APPBP2: variants seen among roughly 807,000 people sequenced by gnomAD.
APPBP2 encodes the protein amyloid protein-binding protein 2.
In APPBP2, 15 loss-of-function variants were observed where a neutral mutation model predicts 76.0. The observed-to-expected ratio is 0.20, with a 90% confidence interval of 0.13 to 0.30. The LOEUF is 0.30. Ranked by LOEUF, APPBP2 falls within the 10% of genes least tolerant of loss-of-function variation. The pLI is 1.00. For missense variants in APPBP2, 401 were observed against 687.2 expected, an observed-to-expected ratio of 0.58 and a Z score of 4.66; for synonymous variants, 222 against 242.2, an observed-to-expected ratio of 0.92 and a Z score of 0.77.
intron 3 of APPBP2, among the ~76,000 whole-genome samples, chr17:60,481,846 G>A (rs1184868200): frequency 6.6e-6 from 1 of 152,208 alleles, no homozygotes; most frequent in Non-Finnish European, 1.5e-5. Flanking sequence ...GACATTTGCT[G>A]TTAATAGAAG....
Position 60,479,142 on chromosome 17 carries a change from A to T in APPBP2, c.503+6T>A, listed in dbSNP as rs1487822643. 3 of 1,609,566 alleles carry T rather than the reference A, an allele frequency of 1.9e-6. No individual in the cohort carries two copies. Among genetic ancestry groups the T allele is most frequent in the Non-Finnish European group, 2.5e-6 (3 of 1,178,758 alleles). ...GCACGTAATTACAGGATATGTTCCAACTTACCTCACACAACATTCTACTGC... is the reference window on the plus strand; with the variant it reads ...GCACGTAATTACAGGATATGTTCCATCTTACCTCACACAACATTCTACTGC... On this transcript the variant is annotated splice_donor_region_variant and intron_variant, in intron 4 of 12. Transcript: ENST00000083182.
chr17:60,500,534 CTTT>C (rs772893372), intron 1 of APPBP2, 47 bp from the exon 2 acceptor site: 1 of 1,277,376 alleles, frequency 7.8e-7, no homozygotes, highest in East Asian at 2.4e-5. Flanking sequence ...TTTAATTCTT[CTTT>C]TTACTTTAAT....
chr17:60,479,161 C>T lies in APPBP2; in HGVS notation c.490G>A (p.Glu164Lys), dbSNP rs1174754255. The T allele has an allele frequency of 6.2e-7, 1 of 1,612,094 alleles. No individual in the cohort carries two copies. The highest frequency in any genetic ancestry group is 1.7e-5 in the Admixed American group (1 of 59,456). The change falls in exon 4 of 13, where the codon GAA becomes AAA. Residue 164 changes from glutamate (E) to lysine (K), a missense_variant. By Grantham distance (56) the Glu-to-Lys change is moderately conservative (BLOSUM62 1). Transcript: ENST00000083182. The part of the protein sequence containing the change: ...DEMLHWFRAV[E>K]CCVRLLHVRN... ...GTTCCAACTTACCTCACACAACATT[C>T]TACTGCACGAAACCAATGAAGCATC...
At chr17:60,491,635 C>T (rs9909702) in intron 3 of APPBP2, among the ~76,000 whole-genome samples, 89 of 151,908 alleles carry the variant, frequency 5.9e-4, no homozygotes, top group South Asian at 2.1e-4. Context: ...AGTAGAGATA[C>T]GGTTTCACCA....
At chr17:60,508,394 A>T (rs79568234) in intron 1 of APPBP2, among the ~76,000 whole-genome samples, 13,781 of 149,968 alleles carry the variant, frequency 0.092, 1,956 homozygotes, top group African/African-American at 0.32. Context: ...ATATATATTT[A>T]AAAAAAATCA....
intron 4 of APPBP2, among the ~76,000 whole-genome samples, chr17:60,473,236 T>C (rs2090566206): frequency 6.6e-6 from 1 of 152,202 alleles, no homozygotes; most frequent in African/African-American, 2.4e-5. Flanking sequence ...AGTTTGGAAG[T>C]TCTATCACAC....
intron 1 of APPBP2, among the ~76,000 whole-genome samples, chr17:60,501,458 G>A (rs948506256): frequency 8.5e-5 from 13 of 152,118 alleles, no homozygotes; most frequent in Non-Finnish European, 4.4e-5. Flanking sequence ...GTGTAGTGGT[G>A]CAATCTCGGC....
intron 1 of APPBP2, among the ~76,000 whole-genome samples, chr17:60,515,928 G>A (rs926072210): frequency 2.0e-5 from 3 of 152,206 alleles, no homozygotes; most frequent in African/African-American, 7.2e-5. Flanking sequence ...ACTCTGGGAG[G>A]CCGAGACAGG....
At chr17:60,472,029 G>A (rs2143354990) in intron 4 of APPBP2, among the ~76,000 whole-genome samples, 1 of 152,328 alleles carries the variant, frequency 6.6e-6, no homozygotes, top group African/African-American at 2.4e-5. Context: ...GGGTGGCTGA[G>A]GCAGGAGAAT....
chr17:60,453,616 T>C (rs1465717817), intron 11 of APPBP2, among the ~76,000 whole-genome samples: 6 of 151,302 alleles, frequency 4.0e-5, no homozygotes, highest in Admixed American at 3.9e-4. Flanking sequence ...CAGAGCTCAC[T>C]GCAGCCTCAA....
chr17:60,482,570 G>A (rs1598358365), intron 3 of APPBP2, among the ~76,000 whole-genome samples: 1 of 152,102 alleles, frequency 6.6e-6, no homozygotes, highest in Non-Finnish European at 1.5e-5. Flanking sequence ...TTCTCCTAAC[G>A]CTATCCCTCC....
chr17:60,469,021 A>G (rs1033989512), intron 4 of APPBP2, among the ~76,000 whole-genome samples: 1 of 152,186 alleles, frequency 6.6e-6, no homozygotes, highest in Admixed American at 6.5e-5. Context: ...GTGAACCTAA[A>G]GGAAAAGAAT....
At position 60,525,937 on chromosome 17, in the gene APPBP2, T is replaced by C; in HGVS notation, c.-6A>G. On this transcript the variant is annotated 5_prime_UTR_variant, in exon 1 of 13. Transcript: ENST00000083182. Reference sequence around the variant, plus strand: ...TCTAGTTCCACGGCCGCCATCTTCCTTCCCTCCTCCTCCGCCTCCTCCGCC... The same window carrying C: ...TCTAGTTCCACGGCCGCCATCTTCCCTCCCTCCTCCTCCGCCTCCTCCGCC... The C allele has an allele frequency of 6.2e-7, 1 of 1,602,476 alleles. No individual in the cohort carries two copies. The highest frequency in any genetic ancestry group is 8.5e-7 in the Non-Finnish European group (1 of 1,174,764).
In APPBP2 at chr17:60,494,524, A is replaced by G. The variant is rs780889174; in HGVS notation, c.321T>C (p.Tyr107=). ...TTACTGCAGCATCTGATTCTGCTAT[A>G]TAAGAGCACCGCCTACTGAATGAGT... ...LAYSFSRRCS[Y]IAESDAAVKE... The change falls in exon 3 of 13, where the codon TAT becomes TAC. Residue 107 remains tyrosine, a synonymous_variant. Coordinates refer to ENST00000083182, the MANE Select transcript of APPBP2 (RefSeq NM_006380.5). 3.0e-5 allele frequency: 49 copies of G among 1,612,568 alleles called. No individual in the cohort carries two copies. Among genetic ancestry groups the G allele is most frequent in the Non-Finnish European group, 4.0e-5 (47 of 1,179,802 alleles).
chr17:60,491,605 C>G (rs545499583), intron 3 of APPBP2, among the ~76,000 whole-genome samples: 4 of 151,832 alleles, frequency 2.6e-5, no homozygotes, highest in Non-Finnish European at 4.4e-5. Flanking sequence ...CCAACAGGCC[C>G]GGCTAGTTTT....
intron 1 of APPBP2, among the ~76,000 whole-genome samples, chr17:60,519,625 T>C (rs2090991817): frequency 6.6e-6 from 1 of 151,848 alleles, no homozygotes; most frequent in Non-Finnish European, 1.5e-5. Context: ...ATTATGCCAC[T>C]GCACTACAGC....
chr17:60,506,862 C>T (rs2090872314), intron 1 of APPBP2, among the ~76,000 whole-genome samples: 1 of 152,132 alleles, frequency 6.6e-6, no homozygotes. Flanking sequence ...ATGGTGAAAC[C>T]CCGTTTCTAC....
At chr17:60,478,999 A>C in intron 4 of APPBP2, 149 bp downstream of exon 4, 1 of 681,544 alleles carries the variant, frequency 1.5e-6, no homozygotes, top group East Asian at 3.1e-5. Flanking sequence ...TATTTTAGAG[A>C]TGAGAGGATG....
intron 1 of APPBP2, among the ~76,000 whole-genome samples, chr17:60,506,238 C>G (rs1362147952): frequency 6.6e-6 from 1 of 152,088 alleles, no homozygotes; most frequent in Non-Finnish European, 1.5e-5. Flanking sequence ...AAGTGATACT[C>G]CCACCTAGGC....
Sources: gnomAD v4.1 joint callset for allele counts (sites outside exome capture counted in the v4.1 genomes callset) on GRCh38, gnomAD v4.1.1 for gene constraint, MANE v1.5 for transcripts, NCBI Gene and HGNC (gene_info 2026-07-23, HGNC 2026-07-21) for gene names.